PIP5K1A: variants seen among roughly 807,000 people sequenced by gnomAD.
PIP5K1A encodes the protein phosphatidylinositol-4-phosphate 5-kinase type 1 alpha, also known as phosphatidylinositol 4-phosphate 5-kinase type-1 alpha.
In PIP5K1A, 46 loss-of-function variants were observed where a neutral mutation model predicts 72.9. That is an observed-to-expected ratio of 0.63 (90% confidence interval 0.50 to 0.81). The LOEUF is 0.81. PIP5K1A is among the 30% of genes least tolerant of loss of function. The pLI is 0.00. For synonymous variants in PIP5K1A, 228 were observed against 255.1 expected (o/e 0.89, Z 1.01); for missense variants, 458 against 706.1 (o/e 0.65, Z 3.98).
chr1:151,239,189 A>C lies in PIP5K1A; in HGVS notation c.1278+11A>C. On this transcript the variant is annotated intron_variant, in intron 11 of 15. Coordinates refer to ENST00000368888, the MANE Select transcript of PIP5K1A (RefSeq NM_001135638.2). ...CTGGTACATGACGGAGTAAGTAGTA[A>C]TACTAGAGGCTCTCTTACCGTACAC... 6.4e-7 allele frequency: 1 copy of C among 1,573,506 alleles called. No individual in the cohort carries two copies. The highest frequency in any genetic ancestry group is 8.7e-7 in the Non-Finnish European group (1 of 1,143,740).
intron 3 of PIP5K1A, among the ~76,000 whole-genome samples, chr1:151,226,752 C>T (rs587738559): frequency 1.5e-5 from 2 of 135,734 alleles, no homozygotes; most frequent in South Asian, 4.8e-4. Flanking sequence ...TCTGGCCGGG[C>T]ATGGTGGCTC....
intron 1 of PIP5K1A, among the ~76,000 whole-genome samples, chr1:151,211,940 A>G (rs929759311): frequency 6.6e-6 from 1 of 151,828 alleles, no homozygotes; most frequent in Non-Finnish European, 1.5e-5. Context: ...CGTCTCTACT[A>G]AAAACAAAAA....
intron 14 of PIP5K1A, among the ~76,000 whole-genome samples, chr1:151,243,783 C>T (rs587669269): frequency 1.5e-4 from 23 of 152,230 alleles, no homozygotes; most frequent in African/African-American, 5.5e-4. Context: ...AGTGTTTCTA[C>T]TGATACAGAA....
At chr1:151,204,926 G>A (rs960329760) in intron 1 of PIP5K1A, among the ~76,000 whole-genome samples, 7 of 152,118 alleles carry the variant, frequency 4.6e-5, no homozygotes, top group African/African-American at 1.4e-4. Flanking sequence ...AAAATAGTAC[G>A]TTTTGCTTAT....
At chr1:151,237,866 G>A (rs969310258) in intron 9 of PIP5K1A, among the ~76,000 whole-genome samples, 2 of 151,494 alleles carry the variant, frequency 1.3e-5, no homozygotes, top group Non-Finnish European at 2.9e-5. Flanking sequence ...AATTAGGAGA[G>A]CATTCCCAAA....
At chr1:151,207,076 G>A (rs1276616075) in intron 1 of PIP5K1A, among the ~76,000 whole-genome samples, 2 of 151,892 alleles carry the variant, frequency 1.3e-5, no homozygotes, top group East Asian at 3.9e-4. Flanking sequence ...CACCATGTTG[G>A]CCAGGCTGAT....
chr1:151,242,377 C>T (rs1558301596), intron 13 of PIP5K1A, 61 bp from the exon 14 acceptor site: 12 of 1,605,202 alleles, frequency 7.5e-6, no homozygotes, highest in Admixed American at 6.7e-5. Flanking sequence ...TCCAGGAAGC[C>T]TAGCTGCTAC....
At chr1:151,230,574 C>T (rs587640100) in intron 4 of PIP5K1A, among the ~76,000 whole-genome samples, 1 of 152,148 alleles carries the variant, frequency 6.6e-6, no homozygotes, top group Admixed American at 6.6e-5. Context: ...GACAGTCTGG[C>T]TGTGTTACCC....
At position 151,229,167 on chromosome 1, in the gene PIP5K1A, CAAAAAAAA is replaced by C. The variant is rs34356281; in HGVS notation, c.237+1786_237+1793del. On this transcript the variant is annotated intron_variant, in intron 4 of 15. Transcript: ENST00000368888. ...TGGGCAACAGAGCGAGACCCCGTCTCAAAAAAAAAAAAAAAAAAAAAAAAAACAGGAAA... is the reference window on the plus strand; with the variant it reads ...TGGGCAACAGAGCGAGACCCCGTCTCAAAAAAAAAAAAAAAAAACAGGAAA... Among the ~76,000 whole-genome samples, 28 of 41,364 alleles carry C rather than the reference CAAAAAAAA, an allele frequency of 6.8e-4. 2 individuals carry two copies. The highest frequency in any genetic ancestry group is 1.2e-3 in the African/African-American group (14 of 11,328). 27.1% of individuals were successfully genotyped at this position (41,364 alleles called of 152,430 possible). A position where few individuals can be genotyped will look rare whatever the true frequency, so the allele number is the denominator to read the frequency against.
chr1:151,197,149 A>T (rs1684630169), upstream of PIP5K1A, among the ~76,000 whole-genome samples: 1 of 152,112 alleles, frequency 6.6e-6, no homozygotes, highest in African/African-American at 2.4e-5. Flanking sequence ...GGCGTGAGCC[A>T]CGGCGCCCGG....
upstream of PIP5K1A, among the ~76,000 whole-genome samples, chr1:151,197,542 G>T (rs1310018993): frequency 6.6e-6 from 1 of 152,020 alleles, no homozygotes; most frequent in Non-Finnish European, 1.5e-5. Context: ...GCCTCCCAGA[G>T]TGCTGGGATT....
At chr1:151,240,098 A>G in intron 12 of PIP5K1A, 59 bp downstream of exon 12, 1 of 1,228,168 alleles carries the variant, frequency 8.1e-7, no homozygotes, top group Admixed American at 1.7e-5. Flanking sequence ...TTACCCCAAG[A>G]GAACAGAGGG....
chr1:151,224,933 A>C (rs2102452413), intron 3 of PIP5K1A, among the ~76,000 whole-genome samples: 1 of 152,200 alleles, frequency 6.6e-6, no homozygotes, highest in Non-Finnish European at 1.5e-5. Context: ...CTGGGACTTC[A>C]AACTTTCTCT....
intron 1 of PIP5K1A, among the ~76,000 whole-genome samples, chr1:151,212,214 G>A (rs373877293): frequency 5.9e-5 from 9 of 152,210 alleles, no homozygotes; most frequent in African/African-American, 2.2e-4. Flanking sequence ...AGCACTTCGG[G>A]AGGCCAAAGT....
intron 14 of PIP5K1A, among the ~76,000 whole-genome samples, chr1:151,243,887 T>C (rs994062397): frequency 2.0e-5 from 3 of 152,224 alleles, no homozygotes; most frequent in African/African-American, 7.2e-5. Context: ...CTAAGCTTCT[T>C]ACAGACTCTG....
In PIP5K1A at chr1:151,227,364, A is replaced by G; in HGVS notation, c.201A>G (p.Arg67=). 1.2e-6 allele frequency: 2 copies of G among 1,613,176 alleles called. No individual in the cohort carries two copies. The highest frequency in any genetic ancestry group is 1.7e-6 in the Non-Finnish European group (2 of 1,179,196). Residue 67 remains arginine, a synonymous_variant, in exon 4 of 16, where the codon AGA becomes AGG. Coordinates refer to ENST00000368888, the MANE Select transcript of PIP5K1A (RefSeq NM_001135638.2). ...TGCCCATCAAGAAAATAGGCCATAG[A>G]AGTGTTGATTCCTCAGGAGAGACAA... ...SGMPIKKIGH[R]SVDSSGETTY...
intron 11 of PIP5K1A, among the ~76,000 whole-genome samples, chr1:151,239,744 T>C (rs587745244): frequency 6.6e-6 from 1 of 152,310 alleles, no homozygotes; most frequent in East Asian, 1.9e-4. Context: ...AACAGGCTGG[T>C]GTCGAACTCC....
At position 151,214,668 on chromosome 1, in the gene PIP5K1A, A is replaced by G. The variant is rs967679087; in HGVS notation, c.86-9577A>G. On this transcript the variant is annotated intron_variant, in intron 1 of 15. Coordinates refer to ENST00000368888, the MANE Select transcript of PIP5K1A (RefSeq NM_001135638.2). ...AGGGCTGGGATTACAGGCGTGAGCCACAGCACCTGGCCGGCTTTTTGCAAG... is the reference window on the plus strand; with the variant it reads ...AGGGCTGGGATTACAGGCGTGAGCCGCAGCACCTGGCCGGCTTTTTGCAAG... Among the ~76,000 whole-genome samples, 11 of 152,196 alleles carry G rather than the reference A, an allele frequency of 7.2e-5. No homozygotes were observed. In the Middle Eastern group the frequency reaches 0.01, roughly 141 times the overall value.
intron 1 of PIP5K1A, among the ~76,000 whole-genome samples, chr1:151,220,040 C>A (rs987587511): frequency 6.6e-6 from 1 of 151,950 alleles, no homozygotes; most frequent in Admixed American, 6.6e-5. Flanking sequence ...GAGTGTTGCT[C>A]TGTTGCCCAG....
Sources: allele counts gnomAD v4.1 joint callset (sites outside exome capture counted in the v4.1 genomes callset), GRCh38; gene constraint gnomAD v4.1.1; transcripts MANE v1.5; gene names NCBI Gene and HGNC (gene_info 2026-07-23, HGNC 2026-07-21).